RSRC1: variants seen among roughly 807,000 people sequenced by gnomAD.
RSRC1 encodes the protein arginine and serine rich coiled-coil 1, also known as serine/Arginine-related protein 53.
In RSRC1, 39 loss-of-function variants were observed where a neutral mutation model predicts 49.1. That is an observed-to-expected ratio of 0.79 (90% CI 0.61 to 1.04). The LOEUF (loss-of-function observed/expected upper bound fraction) is 1.04. Ranked by LOEUF, RSRC1 falls within the 50% of genes least tolerant of loss-of-function variation. The probability of loss-of-function intolerance (pLI) is 0.00; values close to 1 mark genes in which losing one functional copy is unlikely to be tolerated. For missense variants in RSRC1, 388 were observed against 402.4 expected, an observed-to-expected ratio of 0.96 and a Z score of 0.31; for synonymous variants, 143 against 130.8, an observed-to-expected ratio of 1.09 and a Z score of -0.63.
intron 1 of RSRC1, among the ~76,000 whole-genome samples, chr3:158,116,234 T>C (rs550029585): frequency 3.5e-4 from 54 of 152,306 alleles, no homozygotes; most frequent in African/African-American, 1.3e-3. Flanking sequence ...CTCTTTTCCT[T>C]GAAATGGAAG....
At chr3:158,532,365 C>T (rs16829072) in intron 7 of RSRC1, among the ~76,000 whole-genome samples, 25,791 of 151,698 alleles carry the variant, frequency 0.17, 2,400 homozygotes, top group African/African-American at 0.24. Context: ...TTGTAATCTA[C>T]AAATGCAGTA....
At chr3:158,363,264 T>C (rs1455765375) in intron 6 of RSRC1, among the ~76,000 whole-genome samples, 2 of 133,384 alleles carry the variant, frequency 1.5e-5, no homozygotes, top group East Asian at 4.0e-4. Context: ...AGCTACTTTT[T>C]TTTTCTTTTT....
intron 3 of RSRC1, among the ~76,000 whole-genome samples, chr3:158,169,392 A>C (rs759368432): frequency 2.0e-5 from 3 of 152,140 alleles, no homozygotes; most frequent in African/African-American, 7.2e-5. Flanking sequence ...CTCATTCAGC[A>C]TAAATCCCTA....
At chr3:158,137,203 T>A (rs374681506) in intron 3 of RSRC1, among the ~76,000 whole-genome samples, 29 of 152,268 alleles carry the variant, frequency 1.9e-4, no homozygotes, top group Non-Finnish European at 1.5e-4. Flanking sequence ...ATTTAAAAAA[T>A]TGGGTATTCT....
intron 7 of RSRC1, among the ~76,000 whole-genome samples, chr3:158,524,489 A>G (rs1711886716): frequency 6.6e-6 from 1 of 151,980 alleles, no homozygotes; most frequent in Non-Finnish European, 1.5e-5. Context: ...TATAAATTTA[A>G]TGTTTGTTCT....
chr3:158,328,379 T>C (rs892553613), intron 5 of RSRC1, among the ~76,000 whole-genome samples: 1 of 152,180 alleles, frequency 6.6e-6, no homozygotes, highest in Admixed American at 6.5e-5. Flanking sequence ...ACCGGTAGTT[T>C]CTTTCCATGT....
intron 5 of RSRC1, among the ~76,000 whole-genome samples, chr3:158,352,614 G>A (rs1258169021): frequency 6.6e-6 from 1 of 152,012 alleles, no homozygotes; most frequent in Admixed American, 6.6e-5. Context: ...CTAATTCTTC[G>A]CTTGCTTAGG....
chr3:158,518,993 C>T (rs192025250), intron 7 of RSRC1, among the ~76,000 whole-genome samples: 123 of 152,148 alleles, frequency 8.1e-4, no homozygotes, highest in African/African-American at 2.7e-3. Flanking sequence ...CTCTCTCTTC[C>T]GAACTCCAGA....
At chr3:158,234,402 A>G (rs751059763) in intron 4 of RSRC1, among the ~76,000 whole-genome samples, 4 of 152,186 alleles carry the variant, frequency 2.6e-5, no homozygotes, top group African/African-American at 4.8e-5. Flanking sequence ...TTAGGTCTCT[A>G]ACTGAAGATA....
chr3:158,445,466 T>G (rs917719675), intron 6 of RSRC1, among the ~76,000 whole-genome samples: 4 of 152,014 alleles, frequency 2.6e-5, no homozygotes, highest in South Asian at 2.1e-4. Context: ...AGAACACTTG[T>G]TCACAGGAAG....
intron 7 of RSRC1, among the ~76,000 whole-genome samples, chr3:158,503,776 G>A (rs887431149): frequency 1.3e-5 from 2 of 152,050 alleles, no homozygotes; most frequent in African/African-American, 2.4e-5. Context: ...GGTGTTGGGC[G>A]AGCCAGGCTT....
intron 4 of RSRC1, among the ~76,000 whole-genome samples, chr3:158,251,263 T>G (rs1318832457): frequency 6.6e-6 from 1 of 152,248 alleles, no homozygotes; most frequent in East Asian, 1.9e-4. Context: ...ATTCCTCCAG[T>G]TTTGTTCTTT....
chr3:158,418,707 A>AAT (rs1456393535), intron 6 of RSRC1, among the ~76,000 whole-genome samples: 1 of 151,972 alleles, frequency 6.6e-6, no homozygotes, highest in African/African-American at 2.4e-5. Flanking sequence ...TACTTAAGTA[A>AAT]AACAAGTCCT....
At chr3:158,515,303 A>G (rs1410336543) in intron 7 of RSRC1, among the ~76,000 whole-genome samples, 1 of 149,598 alleles carries the variant, frequency 6.7e-6, no homozygotes, top group Admixed American at 6.7e-5. Context: ...GGTGGTGACA[A>G]AATCTCTCAG....
At chr3:158,337,862 A>G (rs73874377) in intron 5 of RSRC1, among the ~76,000 whole-genome samples, 11,170 of 152,242 alleles carry the variant, frequency 0.073, 483 homozygotes, top group South Asian at 0.13. Context: ...TTAATAGCTA[A>G]CGCTTTACTG....
chr3:158,164,004 G>T (rs1362401641), intron 3 of RSRC1, among the ~76,000 whole-genome samples: 1 of 152,050 alleles, frequency 6.6e-6, no homozygotes, highest in African/African-American at 2.4e-5. Context: ...TCTATAATCA[G>T]AAATTTAAAT....
chr3:158,235,115 TTTTTC>T (rs1723170683), intron 4 of RSRC1, among the ~76,000 whole-genome samples: 1 of 152,082 alleles, frequency 6.6e-6, no homozygotes, highest in African/African-American at 2.4e-5. Context: ...TAGTGAGCGA[TTTTTC>T]TTTTGAGTTT....
chr3:158,478,758 GT>G (rs1738488278), intron 7 of RSRC1, among the ~76,000 whole-genome samples: 1 of 151,930 alleles, frequency 6.6e-6, no homozygotes, highest in South Asian at 2.1e-4. Flanking sequence ...AGAAATGATT[GT>G]GAATCAGAAG....
intron 7 of RSRC1, among the ~76,000 whole-genome samples, chr3:158,495,481 TCAC>T (rs1467797590): frequency 1.3e-5 from 2 of 152,136 alleles, no homozygotes; most frequent in Non-Finnish European, 2.9e-5. Flanking sequence ...AGACAGGGTT[TCAC>T]CATGTTGTCC....
Sources: gnomAD v4.1 joint callset for allele counts (sites outside exome capture counted in the v4.1 genomes callset) on GRCh38, gnomAD v4.1.1 for gene constraint, MANE v1.5 for transcripts, NCBI Gene and HGNC (gene_info 2026-07-23, HGNC 2026-07-21) for gene names.